The following CGNL1 variants were observed in gnomAD, a reference collection of about 807,000 sequenced individuals.
CGNL1 encodes the protein cingulin-like protein 1.
CGNL1 carries 132 observed loss-of-function variants against 141.2 expected under a neutral mutation model. That is an observed-to-expected ratio of 0.93 (90% CI 0.81 to 1.08). The LOEUF is 1.08. Ranked by LOEUF, CGNL1 falls within the 50% of genes least tolerant of loss-of-function variation. The probability of loss-of-function intolerance (pLI) is 0.00; values close to 1 mark genes in which losing one functional copy is unlikely to be tolerated. For synonymous variants in CGNL1, 690 were observed against 622.1 expected, an observed-to-expected ratio of 1.11 and a Z score of -1.63; for missense variants, 1,870 against 1,588.6, an observed-to-expected ratio of 1.18 and a Z score of -3.01.
intron 8 of CGNL1, among the ~76,000 whole-genome samples, chr15:57,512,351 T>C (rs2030384796): frequency 6.6e-6 from 1 of 152,204 alleles, no homozygotes; most frequent in Non-Finnish European, 1.5e-5. Flanking sequence ...AAGTTTGTTC[T>C]ATGGGCTTTA....
intron 8 of CGNL1, among the ~76,000 whole-genome samples, chr15:57,511,324 TC>T (rs2152400049): frequency 6.6e-6 from 1 of 152,340 alleles, no homozygotes; most frequent in East Asian, 1.9e-4. Flanking sequence ...ACTTTCTTGT[TC>T]TTTTTTTCTC....
chr15:57,408,465 G>A (rs2062747864), intron 1 of CGNL1, among the ~76,000 whole-genome samples: 1 of 152,150 alleles, frequency 6.6e-6, no homozygotes, highest in Non-Finnish European at 1.5e-5. Flanking sequence ...AAGCCCCAAA[G>A]CAAAGTTTGG....
At chr15:57,418,160 A>G (rs2062870601) in intron 1 of CGNL1, among the ~76,000 whole-genome samples, 2 of 152,058 alleles carry the variant, frequency 1.3e-5, no homozygotes, top group African/African-American at 4.8e-5. Context: ...TTGTCTGTGG[A>G]TCAGGGATGC....
chr15:57,447,256 C>A (rs1364788012), intron 4 of CGNL1, among the ~76,000 whole-genome samples: 1 of 152,212 alleles, frequency 6.6e-6, no homozygotes, highest in Non-Finnish European at 1.5e-5. Flanking sequence ...CTTTCCAGTG[C>A]TGTTCATTCC....
chr15:57,529,852 G>A (rs72741508), intron 13 of CGNL1, among the ~76,000 whole-genome samples: 46,749 of 152,098 alleles, frequency 0.31, 8,278 homozygotes, highest in Middle Eastern at 0.45. Context: ...TATATCTAGG[G>A]AGTGTTGTTT....
At chr15:57,505,990 A>G (rs1392140622) in intron 8 of CGNL1, among the ~76,000 whole-genome samples, 2 of 152,356 alleles carry the variant, frequency 1.3e-5, no homozygotes, top group East Asian at 3.9e-4. Context: ...GGTGCAGGGC[A>G]GAACTGTGGA....
At chr15:57,448,823 A>AT (rs1163415210) in intron 4 of CGNL1, among the ~76,000 whole-genome samples, 57 of 146,578 alleles carry the variant, frequency 3.9e-4, no homozygotes, top group Middle Eastern at 7.1e-3. Flanking sequence ...ATGTCTAAGG[A>AT]TTTTTTTTTT....
intron 8 of CGNL1, among the ~76,000 whole-genome samples, chr15:57,464,678 TC>T (rs1310217765): frequency 1.5e-5 from 1 of 68,576 alleles, no homozygotes; most frequent in East Asian, 4.7e-4. Context: ...TCTTTTCCTT[TC>T]CTTTCCTTTC....
rs1385852927 is a variant in CGNL1, at chr15:57,549,568, G to A, written c.*2078G>A. On this transcript the variant is annotated 3_prime_UTR_variant, in exon 19 of 19. Coordinates refer to ENST00000281282, the MANE Select transcript of CGNL1 (RefSeq NM_032866.5). ...TTCTCACCTCTGCCTGCTTATGTGG[G>A]GTGTGGCCGATTCCTCCCTTTAGTC... is the stretch of plus-strand genomic sequence containing the variant. 2 of 152,126 alleles carry A rather than the reference G, an allele frequency of 1.3e-5. No homozygotes were observed. The highest frequency in any genetic ancestry group is 4.8e-5 in the African/African-American group (2 of 41,404). The allele number at this position is 152,126 out of a possible 1,614,324, so 9.4% of individuals were successfully genotyped here.
intron 1 of CGNL1, among the ~76,000 whole-genome samples, chr15:57,398,074 C>A (rs115926444): frequency 0.013 from 2,030 of 152,274 alleles, 46 homozygotes; most frequent in African/African-American, 0.046. Flanking sequence ...AGCCACCATA[C>A]CCAGCACCAT....
chr15:57,396,179 A>G (rs1208874138), intron 1 of CGNL1, among the ~76,000 whole-genome samples: 1 of 152,064 alleles, frequency 6.6e-6, no homozygotes, highest in Non-Finnish European at 1.5e-5. Flanking sequence ...AGTTTAATGT[A>G]CAAATATGCC....
intron 14 of CGNL1, among the ~76,000 whole-genome samples, chr15:57,536,554 G>C (rs1452357075): frequency 6.6e-6 from 1 of 152,234 alleles, no homozygotes; most frequent in African/African-American, 2.4e-5. Flanking sequence ...TCTCACCCAA[G>C]TATAGTCCCA....
Position 57,453,591 on chromosome 15 carries a change from A to T in CGNL1, c.2055-92A>T, listed in dbSNP as rs140400797. On this transcript the variant is annotated intron_variant, in intron 6 of 18. Coordinates refer to ENST00000281282, the MANE Select transcript of CGNL1 (RefSeq NM_032866.5). Reference sequence around the variant, plus strand: ...GGGGAGGCTCCTTGGGGCTTTAGAGACTTGTGTAACCCTCTGAAGATCAGA... The same window carrying T: ...GGGGAGGCTCCTTGGGGCTTTAGAGTCTTGTGTAACCCTCTGAAGATCAGA... 2,206 of 1,501,052 alleles carry T rather than the reference A, an allele frequency of 1.5e-3. 39 individuals are homozygous for T. The African/African-American group carries it at 0.027, about 18-fold the overall frequency. The allele number at this position is 1,501,052 out of a possible 1,614,324, so 93.0% of individuals were successfully genotyped here. A position where few individuals can be genotyped will look rare whatever the true frequency, so the allele number is the denominator to read the frequency against.
rs192789926 is a variant in CGNL1 at position 57,437,862 on chromosome 15, C to T, written c.-15-123C>T. On this transcript the variant is annotated intron_variant, in intron 1 of 18. Transcript: ENST00000281282. The stretch of plus-strand genomic sequence containing the variant: ...AGCACTTGGTTCTGAGGTGTCTTTG[C>T]TGTTTAAAATGTCTTGTTTTCTTTG... The T allele has an allele frequency of 5.7e-5, 55 of 969,750 alleles. No individual in the cohort carries two copies. The East Asian group carries it at 1.2e-3, about 22-fold the overall frequency. 60.1% of individuals were successfully genotyped at this position (969,750 alleles called of 1,614,324 possible).
intron 7 of CGNL1, among the ~76,000 whole-genome samples, chr15:57,461,058 A>G (rs16977516): frequency 0.025 from 3,782 of 152,230 alleles, 96 homozygotes; most frequent in East Asian, 0.066. Context: ...AGGAATGCCG[A>G]GCCTTTGGCA....
chr15:57,529,450 CAG>C (rs2031820533), intron 13 of CGNL1, among the ~76,000 whole-genome samples: 1 of 152,038 alleles, frequency 6.6e-6, no homozygotes, highest in Admixed American at 6.5e-5. Context: ...AATGAAGTAA[CAG>C]AATCTAAGTG....
At chr15:57,422,259 C>A (rs555716795) in intron 1 of CGNL1, among the ~76,000 whole-genome samples, 1 of 150,800 alleles carries the variant, frequency 6.6e-6, no homozygotes, top group East Asian at 2.0e-4. Flanking sequence ...ATTTCACAAC[C>A]TGGCACTATT....
chr15:57,380,406 C>T (rs934141944), intron 1 of CGNL1, among the ~76,000 whole-genome samples: 7 of 152,128 alleles, frequency 4.6e-5, no homozygotes, highest in African/African-American at 1.7e-4. Flanking sequence ...AGGTTCCTGC[C>T]TTAAGGGGCC....
chr15:57,468,275 C>T (rs1284168798), intron 8 of CGNL1, among the ~76,000 whole-genome samples: 1 of 112,182 alleles, frequency 8.9e-6, no homozygotes, highest in Non-Finnish European at 1.6e-5. Context: ...GAGTCTGGCT[C>T]TGTCACCTAG....
Sources: allele counts gnomAD v4.1 joint callset (sites outside exome capture counted in the v4.1 genomes callset), GRCh38; gene constraint gnomAD v4.1.1; transcripts MANE v1.5; gene names NCBI Gene and HGNC (gene_info 2026-07-23, HGNC 2026-07-21).